Variants in GOLM1 observed in about 807,000 individuals in gnomAD.
GOLM1 encodes epididymis luminal protein 46.
Under a neutral mutation model 50.5 loss-of-function variants are expected in GOLM1, and 31 were observed. The observed-to-expected ratio is 0.61, with a 90% CI of 0.46 to 0.83. The LOEUF (loss-of-function observed/expected upper bound fraction) is 0.83. Among genes scored for constraint, GOLM1 ranks in the 40% least tolerant of loss-of-function variants. The pLI is 0.00. For synonymous variants in GOLM1, 178 were observed against 192.8 expected, an observed-to-expected ratio of 0.92 and a Z score of 0.64; for missense variants, 491 against 501.3, an observed-to-expected ratio of 0.98 and a Z score of 0.20.
At chr9:86,035,279 G>A in intron 8 of GOLM1, 89 bp downstream of exon 8, 1 of 1,547,624 alleles carries the variant, frequency 6.5e-7, no homozygotes, top group Non-Finnish European at 8.7e-7. Context: ...AAAATTCAGG[G>A]TGATATGTTG....
chr9:86,092,483 G>A (rs1312187445), intron 1 of GOLM1, among the ~76,000 whole-genome samples: 2 of 152,132 alleles, frequency 1.3e-5, no homozygotes, highest in African/African-American at 4.8e-5. Context: ...TTATGAAAAA[G>A]GTTTGAGGAA....
intron 1 of GOLM1, among the ~76,000 whole-genome samples, chr9:86,098,472 T>C (rs1286748197): frequency 1.3e-5 from 2 of 152,158 alleles, no homozygotes; most frequent in African/African-American, 2.4e-5. Context: ...AATCCAGCCC[T>C]AGAAATGTTC....
chr9:86,073,266 T>C (rs1480639432), intron 3 of GOLM1, among the ~76,000 whole-genome samples: 3 of 152,094 alleles, frequency 2.0e-5, no homozygotes, highest in African/African-American at 7.2e-5. Flanking sequence ...TGTTTATATA[T>C]ATGTGAGATA....
At position 86,079,236 on chromosome 9, in the gene GOLM1, C is replaced by A. The variant is rs776626759; in HGVS notation, c.85G>T (p.Gly29Cys). ...AALVACIIVLGFNYWIASSRS... is the reference protein window; with the variant it reads ...AALVACIIVLCFNYWIASSRS... ...GAGCTCGCAATCCAGTAGTTGAAGC[C>A]CAAGACGATGATGCAGGCCACCAGG... The change falls in exon 2 of 10, where the codon GGC (glycine) becomes TGC (cysteine). Residue 29 changes from glycine (G) to cysteine (C), a missense_variant. Transcript: ENST00000388712. 1.2e-6 allele frequency: 2 copies of A among 1,609,440 alleles called. No individual in the cohort carries two copies. The highest frequency in any genetic ancestry group is 2.2e-5 in the East Asian group (1 of 44,760).
intron 1 of GOLM1, among the ~76,000 whole-genome samples, chr9:86,084,713 T>G (rs1834897372): frequency 6.6e-6 from 1 of 152,188 alleles, no homozygotes; most frequent in Non-Finnish European, 1.5e-5. Flanking sequence ...GTCAAATGCA[T>G]GAGCCCCTTG....
intron 3 of GOLM1, among the ~76,000 whole-genome samples, chr9:86,076,216 C>T (rs374791404): frequency 1.3e-5 from 2 of 151,408 alleles, no homozygotes; most frequent in South Asian, 2.1e-4. Context: ...GTCAGGAGTT[C>T]GAGACCAACC....
intron 3 of GOLM1, among the ~76,000 whole-genome samples, chr9:86,061,626 C>T (rs370257798): frequency 1.2e-4 from 19 of 152,250 alleles, no homozygotes; most frequent in Middle Eastern, 3.4e-3. Flanking sequence ...TGACTTTGGA[C>T]GCTTCGTTTA....
At chr9:86,059,195 G>C (rs1368412685) in intron 3 of GOLM1, among the ~76,000 whole-genome samples, 1 of 152,100 alleles carries the variant, frequency 6.6e-6, no homozygotes, top group Non-Finnish European at 1.5e-5. Context: ...ACTTGTAGGT[G>C]TACACCCAAG....
chr9:86,056,568 T>C (rs552315874), intron 3 of GOLM1, among the ~76,000 whole-genome samples: 167 of 150,860 alleles, frequency 1.1e-3, no homozygotes, highest in African/African-American at 3.7e-3. Flanking sequence ...TGCAGTGGCG[T>C]GATCTTGGCT....
chr9:86,033,928 C>T (rs920978182), intron 8 of GOLM1, among the ~76,000 whole-genome samples: 6 of 151,444 alleles, frequency 4.0e-5, no homozygotes, highest in Admixed American at 3.3e-4. Flanking sequence ...GTTTAACTTA[C>T]ATATTTTATA....
At chr9:86,040,655 A>T in intron 6 of GOLM1, 84 bp downstream of exon 6, 3 of 1,333,756 alleles carry the variant, frequency 2.2e-6, no homozygotes, top group Non-Finnish European at 3.1e-6. Context: ...GAATCCAGAG[A>T]AAGCCAGGCG....
chr9:86,040,755 T>C lies in GOLM1; in HGVS notation c.581A>G (p.Asn194Ser), dbSNP rs1018301265. 4.3e-6 allele frequency: 7 copies of C among 1,613,430 alleles called. No individual in the cohort carries two copies. The highest frequency in any genetic ancestry group is 1.1e-5 in the South Asian group (1 of 90,924). Residue 194 changes from asparagine (N) to serine (S), a missense_variant, in exon 6 of 10, where the codon AAC becomes AGC. Asn to Ser is a conservative substitution (Grantham distance 46). Coordinates refer to ENST00000388712, the MANE Select transcript of GOLM1 (RefSeq NM_016548.4). ...CCCAGTTACCTGCTGTCTCTGGTCG[T>C]TGTTTTCACTCAGGTCTCTGGAAGC... ...AVASRDLSEN[N>S]DQRQQLQALS...
intron 1 of GOLM1, among the ~76,000 whole-genome samples, chr9:86,082,461 T>C (rs1834814856): frequency 6.6e-6 from 1 of 151,658 alleles, no homozygotes; most frequent in Non-Finnish European, 1.5e-5. Context: ...CTGAAATAGC[T>C]GCCTAGTGGT....
intron 4 of GOLM1, among the ~76,000 whole-genome samples, chr9:86,050,516 A>G (rs1056389600): frequency 1.3e-5 from 2 of 152,172 alleles, no homozygotes; most frequent in African/African-American, 4.8e-5. Context: ...TTGGTAGGCT[A>G]TTAATTATTG....
rs1833147135 is a variant in GOLM1 at position 86,036,393 on chromosome 9, G to A, written c.712C>T (p.Pro238Ser). The A allele has an allele frequency of 6.2e-7, 1 of 1,614,134 alleles. No homozygotes were observed. The highest frequency in any genetic ancestry group is 8.5e-7 in the Non-Finnish European group (1 of 1,180,038). The stretch of plus-strand genomic sequence containing the variant: ...GAATCCAAAACCACTTCGGAACTGG[G>A]GGCTGGTGTCTGGGACTTGCTGTTA... ...LGNSKSQTPA[P>S]SSEVVLDSKR... Residue 238 changes from proline to serine, a missense_variant, in exon 7 of 10, where the codon CCC (proline) becomes TCC (serine). By Grantham distance (74) the Pro-to-Ser change is moderately conservative. Transcript: ENST00000388712.
At position 86,082,176 on chromosome 9, in the gene GOLM1, C is replaced by G. The variant is rs975041366; in HGVS notation, c.-21-2835G>C. Among the ~76,000 whole-genome samples the G allele has an allele frequency of 4.8e-4, 72 of 150,642 alleles. 1 individual carries two copies. The highest frequency in any genetic ancestry group is 2.1e-4 in the Non-Finnish European group (14 of 67,656). On this transcript the variant is annotated intron_variant, in intron 1 of 9. Coordinates refer to ENST00000388712, the MANE Select transcript of GOLM1 (RefSeq NM_016548.4). ...CCCGAGTAGCTGGGACTACAGGCAC[C>G]TGCCACCACACCTGGCTAATTTTTT...
intron 3 of GOLM1, among the ~76,000 whole-genome samples, chr9:86,058,619 A>G (rs12349872): frequency 0.32 from 48,347 of 149,408 alleles, 9,444 homozygotes; most frequent in East Asian, 0.54. Flanking sequence ...TCATTTGAAC[A>G]TAGGAGGCGG....
At position 86,035,357 on chromosome 9, in the gene GOLM1, T is replaced by C; in HGVS notation, c.1015+11A>G. 6.2e-7 allele frequency: 1 copy of C among 1,612,040 alleles called. No individual in the cohort carries two copies. Among genetic ancestry groups the C allele is most frequent in the Non-Finnish European group, 8.5e-7 (1 of 1,179,308 alleles). On this transcript the variant is annotated intron_variant, in intron 8 of 9. Coordinates refer to ENST00000388712, the MANE Select transcript of GOLM1 (RefSeq NM_016548.4). ...GGGAGTCCACAGCGGCCCCCGAAACTTCACACCCACCTTCCCCGGCAGCTT... is the reference window on the plus strand; with the variant it reads ...GGGAGTCCACAGCGGCCCCCGAAACCTCACACCCACCTTCCCCGGCAGCTT...
chr9:86,038,047 G>A (rs902801965), intron 6 of GOLM1, among the ~76,000 whole-genome samples: 5 of 152,010 alleles, frequency 3.3e-5, no homozygotes, highest in East Asian at 3.9e-4. Flanking sequence ...CCAGCTACTC[G>A]GGAGGCTGAG....
Sources: gnomAD v4.1 joint callset for allele counts (sites outside exome capture counted in the v4.1 genomes callset) on GRCh38, gnomAD v4.1.1 for gene constraint, MANE v1.5 for transcripts, NCBI Gene and HGNC (gene_info 2026-07-23, HGNC 2026-07-21) for gene names.